The following PLD5 variants were observed in gnomAD, a reference collection of about 807,000 sequenced individuals.
The protein encoded by PLD5 is inactive phospholipase D5.
Under a neutral mutation model 61.1 loss-of-function variants are expected in PLD5, and 36 were observed. That is an observed-to-expected ratio of 0.59 (90% CI 0.45 to 0.78). The LOEUF (loss-of-function observed/expected upper bound fraction) is 0.78, where lower values mean the gene tolerates loss of function less well. Ranked by LOEUF, PLD5 falls within the 30% of genes least tolerant of loss-of-function variation. The pLI, the probability that PLD5 is intolerant of heterozygous loss-of-function variation, is 0.00. For missense variants in PLD5, 515 were observed against 644.4 expected (o/e 0.80, Z 2.17); for synonymous variants, 243 against 242.8 (o/e 1.00, Z -0.01).
At chr1:242,416,287 C>A (rs1205550478) in intron 1 of PLD5, among the ~76,000 whole-genome samples, 1 of 151,934 alleles carries the variant, frequency 6.6e-6, no homozygotes, top group African/African-American at 2.4e-5. Flanking sequence ...TTGGAAGCTA[C>A]ATTATGGATT....
chr1:242,492,355 A>T (rs549609738), intron 1 of PLD5, among the ~76,000 whole-genome samples: 1 of 151,978 alleles, frequency 6.6e-6, no homozygotes, highest in Admixed American at 6.6e-5. Context: ...CTACTAAAAA[A>T]AAAACAAATA....
rs753634553 is a variant in PLD5, at chr1:242,107,721, A to C, written c.1189T>G (p.Ser397Ala). Reference protein sequence around the residue: ...ETDPLTFNFISSLKAICTEIA... With the variant: ...ETDPLTFNFIASLKAICTEIA... ...TCAGTGCAAATCGCTTTAAGAGATG[A>C]AATAAAGTTAAACGTAAGGGGATCA... is the stretch of plus-strand genomic sequence containing the variant. Residue 397 changes from serine (S) to alanine (A), a missense_variant, in exon 8 of 10, where the codon TCA (serine) becomes GCA (alanine). Physicochemically the swap from Ser to Ala is moderately conservative, Grantham distance 99. Transcript: ENST00000536534. 1.2e-6 allele frequency: 2 copies of C among 1,607,640 alleles called. No homozygotes were observed. Among genetic ancestry groups the C allele is most frequent in the Non-Finnish European group, 1.7e-6 (2 of 1,178,528 alleles).
At chr1:242,258,663 T>A (rs1227264909) in intron 4 of PLD5, among the ~76,000 whole-genome samples, 1 of 152,184 alleles carries the variant, frequency 6.6e-6, no homozygotes, top group African/African-American at 2.4e-5. Flanking sequence ...TAAGGACCCT[T>A]TGAGGAAAGA....
chr1:242,509,750 C>T (rs1010810620), intron 1 of PLD5, among the ~76,000 whole-genome samples: 21 of 152,270 alleles, frequency 1.4e-4, no homozygotes, highest in African/African-American at 4.8e-4. Context: ...ATAGGATACA[C>T]TTATGAATAA....
intron 5 of PLD5, among the ~76,000 whole-genome samples, chr1:242,218,133 A>G (rs549139778): frequency 6.6e-6 from 1 of 152,340 alleles, no homozygotes; most frequent in Non-Finnish European, 1.5e-5. Flanking sequence ...AGAGATTGCT[A>G]TAGCCACCCT....
intron 2 of PLD5, among the ~76,000 whole-genome samples, chr1:242,343,760 T>C (rs1428952965): frequency 7.3e-6 from 1 of 136,186 alleles, no homozygotes; most frequent in Non-Finnish European, 1.6e-5. Context: ...GGCTGCCAGA[T>C]CGAGGCAAAA....
chr1:242,252,399 G>C (rs1424916189), intron 4 of PLD5, among the ~76,000 whole-genome samples: 1 of 152,204 alleles, frequency 6.6e-6, no homozygotes, highest in Non-Finnish European at 1.5e-5. Context: ...AGGCAAGGCA[G>C]GAACTGCTCT....
chr1:242,359,809 AAGAT>A (rs1348532659), intron 1 of PLD5, among the ~76,000 whole-genome samples: 1 of 152,206 alleles, frequency 6.6e-6, no homozygotes. Flanking sequence ...CAATACATAG[AAGAT>A]AGATAGCAGT....
intron 5 of PLD5, among the ~76,000 whole-genome samples, chr1:242,134,949 C>G (rs898371531): frequency 6.6e-6 from 1 of 152,198 alleles, no homozygotes; most frequent in African/African-American, 2.4e-5. Context: ...TGAGTGCAAT[C>G]GCTGCCCATC....
intron 5 of PLD5, among the ~76,000 whole-genome samples, chr1:242,139,509 C>T (rs1394969629): frequency 6.6e-6 from 1 of 151,848 alleles, no homozygotes; most frequent in Non-Finnish European, 1.5e-5. Context: ...CAATGGGCAT[C>T]GGGGGTGATC....
At chr1:242,493,901 C>T (rs1668260485) in intron 1 of PLD5, among the ~76,000 whole-genome samples, 1 of 152,244 alleles carries the variant, frequency 6.6e-6, no homozygotes, top group South Asian at 2.1e-4. Flanking sequence ...AATCCCTTCT[C>T]ATAGCTAAGC....
chr1:242,089,742 T>C lies in PLD5; in HGVS notation c.*112A>G, dbSNP rs564303955. On this transcript the variant is annotated 3_prime_UTR_variant, in exon 10 of 10. Coordinates refer to ENST00000536534, the MANE Select transcript of PLD5 (RefSeq NM_001372062.1). ...TGTGTTGTTCAGAGAATATTTTTTA[T>C]AAGTGTGCTTTTTCCCTAAAAAAAG... The C allele has an allele frequency of 6.7e-5, 90 of 1,352,492 alleles. 1 individual carries two copies. In the South Asian group the frequency reaches 1.1e-3, roughly 17 times the overall value. The allele number at this position is 1,352,492 out of a possible 1,614,324, so 83.8% of individuals were successfully genotyped here.
chr1:242,475,331 G>A (rs1412364641), intron 1 of PLD5, among the ~76,000 whole-genome samples: 1 of 149,074 alleles, frequency 6.7e-6, no homozygotes, highest in Non-Finnish European at 1.5e-5. Flanking sequence ...GCTGAGGCAG[G>A]AGAATGGCGT....
At chr1:242,518,883 T>C (rs1419991854) in intron 1 of PLD5, among the ~76,000 whole-genome samples, 5 of 152,196 alleles carry the variant, frequency 3.3e-5, no homozygotes, top group Non-Finnish European at 5.9e-5. Context: ...GGTAGATATA[T>C]GTCGACTGTA....
rs1352859161 is a variant in PLD5, at chr1:242,088,649, A to T, written c.*1205T>A. The T allele has an allele frequency of 6.6e-6, 1 of 152,184 alleles. No individual in the cohort carries two copies. The highest frequency in any genetic ancestry group is 2.4e-5 in the African/African-American group (1 of 41,450). The allele number at this position is 152,184 out of a possible 1,614,324, so 9.4% of individuals were successfully genotyped here. ...TCCCGGCCACCTGCTGTGGGCTCTGAAGAGGCCATGCCTCTCCCTAGTGTA... is the reference window on the plus strand; with the variant it reads ...TCCCGGCCACCTGCTGTGGGCTCTGTAGAGGCCATGCCTCTCCCTAGTGTA... On this transcript the variant is annotated 3_prime_UTR_variant, in exon 10 of 10. Coordinates refer to ENST00000536534, the MANE Select transcript of PLD5 (RefSeq NM_001372062.1).
chr1:242,272,293 C>CT (rs1459607959), intron 3 of PLD5, among the ~76,000 whole-genome samples: 2 of 152,234 alleles, frequency 1.3e-5, no homozygotes, highest in African/African-American at 4.8e-5. Context: ...AATTAATACA[C>CT]TATCACAATG....
At chr1:242,522,925 C>T (rs922110177) in intron 1 of PLD5, among the ~76,000 whole-genome samples, 2 of 152,188 alleles carry the variant, frequency 1.3e-5, no homozygotes, top group African/African-American at 4.8e-5. Context: ...TCATCAGGCC[C>T]TCAGAAAGCA....
intron 2 of PLD5, among the ~76,000 whole-genome samples, chr1:242,292,900 TTCCTTTGCAA>T (rs149585587): frequency 0.063 from 9,525 of 152,266 alleles, 401 homozygotes; most frequent in Admixed American, 0.13. Flanking sequence ...CACTTTCAGT[TTCCTTTGCAA>T]TCCTCTGTAT....
chr1:242,221,463 G>A (rs1670583606), intron 4 of PLD5, among the ~76,000 whole-genome samples: 1 of 152,204 alleles, frequency 6.6e-6, no homozygotes, highest in Non-Finnish European at 1.5e-5. Flanking sequence ...TATCAGAAAG[G>A]AAGGAGAGTA....
Sources: allele counts gnomAD v4.1 joint callset (sites outside exome capture counted in the v4.1 genomes callset), GRCh38; gene constraint gnomAD v4.1.1; transcripts MANE v1.5; gene names NCBI Gene and HGNC (gene_info 2026-07-23, HGNC 2026-07-21).